Variants in LCORL observed in about 807,000 individuals in gnomAD.
LCORL encodes ligand dependent nuclear receptor corepressor like, also known as ligand-dependent nuclear receptor corepressor-like protein.
In LCORL, 41 loss-of-function variants were observed where a neutral mutation model predicts 141.8. The ratio of observed to expected loss-of-function variants is 0.29; its 90% CI spans 0.23 to 0.38. The LOEUF (loss-of-function observed/expected upper bound fraction) is 0.38, where lower values mean the gene tolerates loss of function less well. LCORL is among the 10% of genes least tolerant of loss of function. The pLI, the probability that LCORL is intolerant of heterozygous loss-of-function variation, is 1.00. For missense variants in LCORL, 1,759 were observed against 2,035.0 expected, an observed-to-expected ratio of 0.86 and a Z score of 2.61; for synonymous variants, 618 against 694.1, an observed-to-expected ratio of 0.89 and a Z score of 1.72.
intron 1 of LCORL, among the ~76,000 whole-genome samples, chr4:18,017,817 A>G (rs750827180): frequency 6.6e-6 from 1 of 152,164 alleles, no homozygotes; most frequent in Non-Finnish European, 1.5e-5. Flanking sequence ...ATTGGGTAAC[A>G]GTGTATCAGC....
chr4:17,845,233 C>G (rs1722797548), exon 8 of LCORL: 1 of 152,510 alleles, frequency 6.6e-6, no homozygotes, highest in Non-Finnish European at 1.5e-5. Context: ...AAGCTATGAT[C>G]AACTTTTTTT....
chr4:17,850,157 A>G (rs1226975243), intron 7 of LCORL, among the ~76,000 whole-genome samples: 1 of 145,100 alleles, frequency 6.9e-6, no homozygotes. Context: ...CTTAAACGTT[A>G]GACCTAAAAC....
At chr4:17,875,421 T>C (rs1187509450) in exon 7 of LCORL, 4 of 1,231,320 alleles carry the variant, frequency 3.2e-6, no homozygotes, top group Non-Finnish European at 4.1e-6. Flanking sequence ...CAAGTCAATT[T>C]TGTCTTCACT....
intron 5 of LCORL, among the ~76,000 whole-genome samples, chr4:17,892,226 T>C (rs1729213259): frequency 6.7e-6 from 1 of 149,538 alleles, no homozygotes; most frequent in Non-Finnish European, 1.5e-5. Context: ...TTTTTTTTTT[T>C]GAGACGGAAT....
At chr4:17,841,950 A>G (rs975207950) in exon 8 of LCORL, 5 of 169,522 alleles carry the variant, frequency 2.9e-5, no homozygotes, top group Non-Finnish European at 6.3e-5. Context: ...CTTAATTTTC[A>G]TGAGTCTCCA....
chr4:17,930,821 G>T (rs556614047), intron 4 of LCORL, among the ~76,000 whole-genome samples: 1 of 152,276 alleles, frequency 6.6e-6, no homozygotes, highest in East Asian at 1.9e-4. Flanking sequence ...ACTGTCACAT[G>T]ATTTTTATCT....
intron 4 of LCORL, among the ~76,000 whole-genome samples, chr4:17,935,589 C>T (rs1736721189): frequency 1.3e-5 from 2 of 152,052 alleles, no homozygotes; most frequent in African/African-American, 2.4e-5. Context: ...TTCCCTTTCC[C>T]TCCCTCCCTC....
exon 4 of LCORL, chr4:17,962,031 T>A (rs752431935): frequency 6.3e-7 from 1 of 1,581,800 alleles, no homozygotes; most frequent in Admixed American, 1.9e-5. Context: ...TGGTATACAA[T>A]CCTAAAAGTA....
At chr4:17,999,209 T>C (rs1274905770) in intron 1 of LCORL, among the ~76,000 whole-genome samples, 3 of 31,462 alleles carry the variant, frequency 9.5e-5, no homozygotes, top group Non-Finnish European at 2.1e-4. Flanking sequence ...ATCCCAGCAC[T>C]TTGGGAGGCC....
At chr4:17,968,840 T>C (rs566516016) in intron 2 of LCORL, among the ~76,000 whole-genome samples, 1 of 152,242 alleles carries the variant, frequency 6.6e-6, no homozygotes, top group Non-Finnish European at 1.5e-5. Context: ...TTTTAGTTCA[T>C]AAGCCATTCA....
At chr4:17,913,385 C>T (rs541535403) in intron 4 of LCORL, among the ~76,000 whole-genome samples, 1 of 152,286 alleles carries the variant, frequency 6.6e-6, no homozygotes, top group East Asian at 1.9e-4. Context: ...GGTGATGAAA[C>T]ACGGCTTTAC....
At chr4:17,985,230 GAAGT>G (rs1163285387) in intron 1 of LCORL, among the ~76,000 whole-genome samples, 2 of 152,172 alleles carry the variant, frequency 1.3e-5, no homozygotes, top group African/African-American at 4.8e-5. Flanking sequence ...GTGGTGATGA[GAAGT>G]AAGTATACTC....
At chr4:17,976,141 A>T (rs774629001) in intron 1 of LCORL, among the ~76,000 whole-genome samples, 4 of 152,132 alleles carry the variant, frequency 2.6e-5, no homozygotes, top group Non-Finnish European at 4.4e-5. Flanking sequence ...TTAACTTTTA[A>T]CCTGTCTTTA....
intron 1 of LCORL, among the ~76,000 whole-genome samples, chr4:17,978,778 C>A (rs1356206767): frequency 2.0e-5 from 3 of 152,140 alleles, no homozygotes; most frequent in Non-Finnish European, 4.4e-5. Context: ...TGGTTTTCAG[C>A]CAGATTCAAG....
chr4:17,897,437 T>C (rs1730161895), intron 5 of LCORL, among the ~76,000 whole-genome samples: 1 of 151,942 alleles, frequency 6.6e-6, no homozygotes, highest in Non-Finnish European at 1.5e-5. Context: ...AAGTCTATTA[T>C]GCCTTCCATA....
chr4:17,976,968 G>A (rs745381436), intron 1 of LCORL, among the ~76,000 whole-genome samples: 12 of 152,132 alleles, frequency 7.9e-5, no homozygotes, highest in African/African-American at 1.4e-4. Flanking sequence ...CTAAATCTGC[G>A]GAATTATTTT....
intron 7 of LCORL, among the ~76,000 whole-genome samples, chr4:17,861,651 T>G (rs1359974069): frequency 6.6e-6 from 1 of 152,180 alleles, no homozygotes; most frequent in African/African-American, 2.4e-5. Context: ...GGGTCTTTCT[T>G]TTCTATCAAA....
At chr4:17,906,688 CTTTTTTTTT>C (rs36083281) in intron 5 of LCORL, among the ~76,000 whole-genome samples, 3 of 134,020 alleles carry the variant, frequency 2.2e-5, no homozygotes, top group African/African-American at 8.5e-5. Flanking sequence ...TTTAAAATGC[CTTTTTTTTT>C]TTTTTTTTGA....
At chr4:17,874,301 A>G in exon 7 of LCORL, 1 of 1,233,882 alleles carries the variant, frequency 8.1e-7, no homozygotes, top group Non-Finnish European at 1.0e-6. Context: ...ATTTTGAAGG[A>G]GAAGAGAGTG....
Sources: gnomAD v4.1 joint callset for allele counts (sites outside exome capture counted in the v4.1 genomes callset) on GRCh38, gnomAD v4.1.1 for gene constraint, MANE v1.5 for transcripts, NCBI Gene and HGNC (gene_info 2026-07-23, HGNC 2026-07-21) for gene names.